The following FERMT2 variants were observed in gnomAD, a reference collection of about 807,000 sequenced individuals.
The protein encoded by FERMT2 is FERM domain containing kindlin 2, also known as fermitin family homolog 2.
A neutral mutation model predicts 82.7 loss-of-function variants in FERMT2; 15 were observed. The ratio of observed to expected loss-of-function variants is 0.18; its 90% CI spans 0.12 to 0.28. The LOEUF is 0.28. FERMT2 is among the 10% of genes least tolerant of loss of function. The pLI, the probability that FERMT2 is intolerant of heterozygous loss-of-function variation, is 1.00. For synonymous variants in FERMT2, 274 were observed against 271.5 expected (o/e 1.01, Z -0.09); for missense variants, 645 against 809.4 (o/e 0.80, Z 2.46).
intron 3 of FERMT2, among the ~76,000 whole-genome samples, chr14:52,893,909 A>T (rs190475299): frequency 6.6e-6 from 1 of 151,664 alleles, no homozygotes. Flanking sequence ...GCTCGCCACA[A>T]CCTCCACCTC....
Position 52,950,931 on chromosome 14 carries a change from T to G in FERMT2, c.-20A>C. 1 of 166,160 alleles carries G rather than the reference T, an allele frequency of 6.0e-6. No individual in the cohort carries two copies. The highest frequency in any genetic ancestry group is 1.3e-5 in the Non-Finnish European group (1 of 78,308). The allele number at this position is 166,160 out of a possible 1,614,324, so 10.3% of individuals were successfully genotyped here. On this transcript the variant is annotated 5_prime_UTR_variant, in exon 1 of 15. Coordinates refer to ENST00000341590, the MANE Select transcript of FERMT2 (RefSeq NM_006832.3). ...GTCCCGCTCCCTCACCGCGCGCTCC[T>G]AGCGCTCCGGGCCCGGGACTCGCGC...
At chr14:52,943,103 G>A (rs991461854) in intron 2 of FERMT2, among the ~76,000 whole-genome samples, 1 of 149,242 alleles carries the variant, frequency 6.7e-6, no homozygotes, top group Non-Finnish European at 1.5e-5. Flanking sequence ...AGCTACTTGG[G>A]AGGCTGAGGC....
At chr14:52,931,279 G>A (rs1000446938) in intron 2 of FERMT2, among the ~76,000 whole-genome samples, 2 of 152,158 alleles carry the variant, frequency 1.3e-5, no homozygotes, top group Non-Finnish European at 2.9e-5. Flanking sequence ...AGAACAAAAT[G>A]TCACAGAGGC....
chr14:52,931,751 G>A (rs968433891), intron 2 of FERMT2, among the ~76,000 whole-genome samples: 3 of 152,212 alleles, frequency 2.0e-5, no homozygotes, highest in Non-Finnish European at 4.4e-5. Flanking sequence ...TAAAAGGGGC[G>A]GGCGCGGTGG....
chr14:52,899,509 CCTGACCTAGTGAT>C (rs1046876404), intron 3 of FERMT2, among the ~76,000 whole-genome samples: 6 of 152,304 alleles, frequency 3.9e-5, no homozygotes, highest in African/African-American at 1.4e-4. Flanking sequence ...GTCACGATCT[CCTGACCTAGTGAT>C]CTGCCCTCCT....
chr14:52,865,835 TTAGA>T (rs1371996859), intron 10 of FERMT2, among the ~76,000 whole-genome samples: 3 of 152,162 alleles, frequency 2.0e-5, no homozygotes, highest in Admixed American at 2.0e-4. Context: ...AAAGAACACT[TTAGA>T]TAAAGGAGAG....
At chr14:52,890,515 G>C (rs943000016) in intron 4 of FERMT2, among the ~76,000 whole-genome samples, 2 of 151,098 alleles carry the variant, frequency 1.3e-5, no homozygotes, top group Non-Finnish European at 2.9e-5. Context: ...TCATATATGT[G>C]ATCTGTTATT....
chr14:52,882,533 C>T (rs1168917714), intron 4 of FERMT2, among the ~76,000 whole-genome samples: 7 of 152,140 alleles, frequency 4.6e-5, no homozygotes. Flanking sequence ...ACAAGCAGCT[C>T]CCCCAAGTCC....
At chr14:52,880,993 A>G (rs1455977077) in intron 6 of FERMT2, 43 bp downstream of exon 6, 4 of 1,302,596 alleles carry the variant, frequency 3.1e-6, no homozygotes, top group East Asian at 4.6e-5. Flanking sequence ...GAACAAAACA[A>G]ATTAATGGGG....
At chr14:52,874,103 T>TAGTTTCAATAATGTGACCATGACTA (rs1885807265) in intron 9 of FERMT2, 74 bp downstream of exon 9, 1 of 940,756 alleles carries the variant, frequency 1.1e-6, no homozygotes, top group African/African-American at 1.7e-5. Context: ...ACTTAACAGT[T>TAGTTTCAATAATGTGACCATGACTA]AGTTTCAATA....
At position 52,878,626 on chromosome 14, in the gene FERMT2, T is replaced by C. The variant is rs1314984545; in HGVS notation, c.919A>G (p.Ile307Val). ...ATCATTTCTTCTTCTGTGCATTCAA[T>C]CTCTTCCAGGAGAATGGCCCATTTG... Reference protein sequence around the residue: ...QAKWAILLEEIECTEEEMMMF... With the variant: ...QAKWAILLEEVECTEEEMMMF... Residue 307 changes from isoleucine (I) to valine (V), a missense_variant, in exon 7 of 15, where the codon ATT (isoleucine) becomes GTT (valine). By Grantham distance (29) the Ile-to-Val change is conservative. Transcript: ENST00000341590. 1 of 1,611,076 alleles carries C rather than the reference T, an allele frequency of 6.2e-7. No homozygotes were observed. The highest frequency in any genetic ancestry group is 2.2e-5 in the East Asian group (1 of 44,720).
intron 4 of FERMT2, among the ~76,000 whole-genome samples, chr14:52,884,528 C>G (rs7145307): frequency 6.6e-6 from 1 of 151,766 alleles, no homozygotes; most frequent in African/African-American, 2.4e-5. Context: ...CACTTGAACC[C>G]GGGAGGCGGA....
intron 7 of FERMT2, among the ~76,000 whole-genome samples, chr14:52,877,436 A>T (rs1165613329): frequency 6.6e-6 from 1 of 152,132 alleles, no homozygotes; most frequent in Non-Finnish European, 1.5e-5. Flanking sequence ...ACAATACGGG[A>T]TCCTAACTGG....
chr14:52,889,567 C>T (rs1886809436), intron 4 of FERMT2, among the ~76,000 whole-genome samples: 1 of 152,174 alleles, frequency 6.6e-6, no homozygotes, highest in Non-Finnish European at 1.5e-5. Context: ...CAAGTTAGTA[C>T]AGTCATGCAC....
At chr14:52,944,069 A>G (rs540211444) in intron 2 of FERMT2, among the ~76,000 whole-genome samples, 2 of 152,354 alleles carry the variant, frequency 1.3e-5, no homozygotes, top group African/African-American at 4.8e-5. Flanking sequence ...GGAATAGCTC[A>G]TACTTTATTA....
intron 2 of FERMT2, among the ~76,000 whole-genome samples, chr14:52,926,411 AACACACACACACACACACACACAC>A (rs34726532): frequency 4.8e-5 from 7 of 147,072 alleles, no homozygotes; most frequent in Middle Eastern, 3.4e-3. Flanking sequence ...GACCAAGTGC[AACACACACACACACACACACACAC>A]ACACACACAC....
Position 52,881,481 on chromosome 14 carries a change from C to T in FERMT2, c.527-12G>A, listed in dbSNP as rs1327614387. 3.9e-6 allele frequency: 6 copies of T among 1,555,008 alleles called. No homozygotes were observed. The highest frequency in any genetic ancestry group is 5.3e-6 in the Non-Finnish European group (6 of 1,128,708). ...TGAATATATACTTCCTAATAAGTAA[C>T]ATGAAAAACAGGTAGTAAGTATGCA... is the stretch of plus-strand genomic sequence containing the variant. On this transcript the variant is annotated splice_polypyrimidine_tract_variant and intron_variant, in intron 4 of 14. Transcript: ENST00000341590.
At position 52,858,113 on chromosome 14, in the gene FERMT2, G is replaced by A. The variant is rs1381750523; in HGVS notation, c.*264C>T. ...TAGCTTAAATCAGTAAATCAGTGAT[G>A]GTTTGTTCCTGATTTGCCCACTATT... On this transcript the variant is annotated 3_prime_UTR_variant, in exon 15 of 15. Coordinates refer to ENST00000341590, the MANE Select transcript of FERMT2 (RefSeq NM_006832.3). 5 of 411,646 alleles carry A rather than the reference G, an allele frequency of 1.2e-5. No homozygotes were observed. Among genetic ancestry groups the A allele is most frequent in the Admixed American group, 3.7e-5 (1 of 27,236 alleles). The allele number at this position is 411,646 out of a possible 1,614,324, so 25.5% of individuals were successfully genotyped here. A position where few individuals can be genotyped will look rare whatever the true frequency, so the allele number is the denominator to read the frequency against.
At chr14:52,944,333 G>A (rs1477366087) in intron 2 of FERMT2, among the ~76,000 whole-genome samples, 3 of 152,172 alleles carry the variant, frequency 2.0e-5, no homozygotes, top group African/African-American at 4.8e-5. Flanking sequence ...TGAATGCAAT[G>A]AGGATGCATC....
Sources: allele counts gnomAD v4.1 joint callset (sites outside exome capture counted in the v4.1 genomes callset), GRCh38; gene constraint gnomAD v4.1.1; transcripts MANE v1.5; gene names NCBI Gene and HGNC (gene_info 2026-07-23, HGNC 2026-07-21).